The following ELP1 variants were observed in gnomAD, a reference collection of about 807,000 sequenced individuals.
The protein encoded by ELP1 is elongator acetyltransferase complex subunit 1, also known as elongator complex protein 1.
ELP1 carries 131 observed loss-of-function variants against 183.2 expected under a neutral mutation model. That is an observed-to-expected ratio of 0.72 (90% CI 0.62 to 0.83). The LOEUF (loss-of-function observed/expected upper bound fraction) is 0.83. Among genes scored for constraint, ELP1 ranks in the 40% least tolerant of loss-of-function variants. ELP1 has a pLI of 0.00. For missense variants in ELP1, 1,550 were observed against 1,594.9 expected (o/e 0.97, Z 0.48); for synonymous variants, 555 against 569.0 (o/e 0.98, Z 0.35).
intron 13 of ELP1, among the ~76,000 whole-genome samples, chr9:108,907,352 C>T (rs935010493): frequency 2.0e-5 from 3 of 152,178 alleles, no homozygotes; most frequent in African/African-American, 7.2e-5. Context: ...AATTTGTCCT[C>T]TATCTCTACT....
chr9:108,933,919 C>G lies in ELP1; in HGVS notation c.-111G>C, dbSNP rs1233793909. The G allele has an allele frequency of 6.4e-6, 1 of 157,196 alleles. No individual in the cohort carries two copies. 9.7% of individuals were successfully genotyped at this position (157,196 alleles called of 1,614,324 possible). The stretch of plus-strand genomic sequence containing the variant: ...CCTCGCCTCCCCAGCCACGCGCAGC[C>G]GGCTACCCAGAGTCAGCTCCCACAG... On this transcript the variant is annotated 5_prime_UTR_variant, in exon 1 of 37. Transcript: ENST00000374647.
At chr9:108,879,123 A>AT (rs1337773738) in intron 33 of ELP1, among the ~76,000 whole-genome samples, 1 of 152,142 alleles carries the variant, frequency 6.6e-6, no homozygotes, top group African/African-American at 2.4e-5. Context: ...TTATCTTTTC[A>AT]TTTTTTCAGT....
At chr9:108,909,774 G>A (rs1247093321) in intron 12 of ELP1, among the ~76,000 whole-genome samples, 2 of 152,040 alleles carry the variant, frequency 1.3e-5, no homozygotes, top group African/African-American at 4.8e-5. Context: ...TATTGATGCC[G>A]AACAATCTTT....
chr9:108,922,924 T>C lies in ELP1; in HGVS notation c.470A>G (p.Lys157Arg), dbSNP rs557686367. The C allele has an allele frequency of 1.1e-5, 18 of 1,612,508 alleles. No individual in the cohort carries two copies. The South Asian group carries it at 1.8e-4, about 16-fold the overall frequency. Residue 157 changes from lysine to arginine, a missense_variant, in exon 6 of 37, where the codon AAG becomes AGG. Lys to Arg is a conservative substitution (Grantham distance 26). Transcript: ENST00000374647. ...CCTACCCCATCCAACAGTGATAAACTTGCCTACAGAACAATTGGCAAGACA... is the reference window on the plus strand; with the variant it reads ...CCTACCCCATCCAACAGTGATAAACCTGCCTACAGAACAATTGGCAAGACA... ...QIHQDDFGES[K>R]FITVGWGRKE... is the part of the protein sequence containing the mutation.
chr9:108,886,610 C>G (rs915469762), intron 29 of ELP1, among the ~76,000 whole-genome samples: 1 of 152,104 alleles, frequency 6.6e-6, no homozygotes, highest in South Asian at 2.1e-4. Flanking sequence ...AATTTAACAC[C>G]CATTCATGAT....
chr9:108,903,660 T>C lies in ELP1; in HGVS notation c.1653A>G (p.Ala551=). Residue 551 remains alanine (A), a synonymous_variant, in exon 15 of 37, where the codon GCA becomes GCG. Transcript: ENST00000374647. ...EHGQLNVSSS[A]AVDGVIISLC... ...GACTGATTATGACCCCATCCACCGC[T>C]GCAGATGAACTGACAAAAAAAAGGA... 1.9e-6 allele frequency: 3 copies of C among 1,613,456 alleles called. No homozygotes were observed. Among genetic ancestry groups the C allele is most frequent in the Non-Finnish European group, 2.5e-6 (3 of 1,179,490 alleles).
At chr9:108,876,413 AG>A (rs1360307926) in intron 35 of ELP1, among the ~76,000 whole-genome samples, 62 of 152,318 alleles carry the variant, frequency 4.1e-4, no homozygotes, top group African/African-American at 1.4e-3. Flanking sequence ...CGGTTTGTAA[AG>A]TGCTTTTACA....
chr9:108,881,625 G>T, intron 31 of ELP1, 80 bp downstream of exon 31: 1 of 865,300 alleles, frequency 1.2e-6, no homozygotes, highest in East Asian at 2.4e-5. Flanking sequence ...AGAAAACACA[G>T]TAAATAGGAG....
intron 22 of ELP1, among the ~76,000 whole-genome samples, chr9:108,897,942 C>A (rs1255923751): frequency 6.6e-6 from 1 of 152,140 alleles, no homozygotes; most frequent in African/African-American, 2.4e-5. Context: ...CCAACCCATA[C>A]ACAAAGAATG....
At position 108,891,269 on chromosome 9, in the gene ELP1, G is replaced by A. The variant is rs774427341; in HGVS notation, c.3094C>T (p.Leu1032Phe). Residue 1032 changes from leucine (L) to phenylalanine (F), a missense_variant, in exon 28 of 37, where the codon CTC becomes TTC. Physicochemically the swap from Leu to Phe is conservative, Grantham distance 22. Transcript: ENST00000374647. The stretch of plus-strand genomic sequence containing the variant: ...AAGTTAAGCTGGGCTGCCACACAGA[G>A]GGCTTGCTTCCAGTTGCCACATGTC... The part of the protein sequence containing the change: ...FLTCGNWKQA[L>F]CVAAQLNFTK... The A allele has an allele frequency of 1.2e-6, 2 of 1,614,114 alleles. No homozygotes were observed. The highest frequency in any genetic ancestry group is 1.7e-6 in the Non-Finnish European group (2 of 1,180,054).
chr9:108,881,963 A>G lies in ELP1; in HGVS notation c.3285+162T>C, dbSNP rs7046977. Among the ~76,000 whole-genome samples the G allele has an allele frequency of 0.14, 21,334 of 152,238 alleles. 1,688 individuals are homozygous for G. The highest frequency in any genetic ancestry group is 0.16 in the African/African-American group (6,844 of 41,522). On this transcript the variant is annotated intron_variant, in intron 30 of 36. Coordinates refer to ENST00000374647, the MANE Select transcript of ELP1 (RefSeq NM_003640.5). ...ATTTCAAATTATTATCAAGAATGAT[A>G]AAAATGATTTTAAAAACACCGCTTT...
chr9:108,881,755 T>C lies in ELP1; in HGVS notation c.3296A>G (p.Tyr1099Cys), dbSNP rs1455391652. Reference protein sequence around the residue: ...WEEALRLVYKYNRLDIIETNV... With the variant: ...WEEALRLVYKCNRLDIIETNV... ...GGTTTCTATAATATCCAGTCTGTTA[T>C]ATTTGTATACCTAGAAGGAAAAACA... The change falls in exon 31 of 37, where the codon TAT (tyrosine) becomes TGT (cysteine). Residue 1099 changes from tyrosine (Y) to cysteine (C), a missense_variant. Coordinates refer to ENST00000374647, the MANE Select transcript of ELP1 (RefSeq NM_003640.5). 1.9e-6 allele frequency: 3 copies of C among 1,558,444 alleles called. No homozygotes were observed. The highest frequency in any genetic ancestry group is 2.7e-6 in the Non-Finnish European group (3 of 1,129,726).
In ELP1 at chr9:108,912,847, C is replaced by T. The variant is rs149610752; in HGVS notation, c.959-353G>A. Among the ~76,000 whole-genome samples the T allele has an allele frequency of 2.2e-3, 330 of 151,218 alleles. 4 individuals are homozygous for T. Among genetic ancestry groups the T allele is most frequent in the African/African-American group, 7.5e-3 (311 of 41,194 alleles). On this transcript the variant is annotated intron_variant, in intron 10 of 36. Coordinates refer to ENST00000374647, the MANE Select transcript of ELP1 (RefSeq NM_003640.5). ...TCGGCTCACTGCAAGCTCCATCTCC[C>T]GGGTTCATGCCATTCTCCTGCCTCA...
intron 1 of ELP1, among the ~76,000 whole-genome samples, chr9:108,931,468 A>C (rs1830001618): frequency 6.6e-6 from 1 of 152,242 alleles, no homozygotes; most frequent in Non-Finnish European, 1.5e-5. Context: ...TTTCTTCAAA[A>C]AAGATGTAAT....
At chr9:108,895,644 C>A (rs904559420) in intron 25 of ELP1, among the ~76,000 whole-genome samples, 1 of 152,122 alleles carries the variant, frequency 6.6e-6, no homozygotes, top group African/African-American at 2.4e-5. Flanking sequence ...ATCCTCGGAA[C>A]AATGGGAGCT....
Position 108,929,792 on chromosome 9 carries a change from G to A in ELP1, c.280C>T (p.Leu94Phe). The A allele has an allele frequency of 6.2e-7, 1 of 1,614,022 alleles. No individual in the cohort carries two copies. Among genetic ancestry groups the A allele is most frequent in the Non-Finnish European group, 8.5e-7 (1 of 1,180,016 alleles). Residue 94 changes from leucine to phenylalanine, a missense_variant, in exon 3 of 37, where the codon CTC becomes TTC. Transcript: ENST00000374647. ...CVATASGDVILCSLSTQQLEC... is the reference protein window; with the variant it reads ...CVATASGDVIFCSLSTQQLEC... The stretch of plus-strand genomic sequence containing the variant: ...ACCTGTTGTGTGCTGAGACTGCAGA[G>A]TATGACGTCTCCAGAGGCTGTGGCC...
At chr9:108,912,228 C>A in intron 11 of ELP1, 36 bp downstream of exon 11, 1 of 1,532,936 alleles carries the variant, frequency 6.5e-7, no homozygotes, top group Non-Finnish European at 9.0e-7. Flanking sequence ...CTCAGGACCC[C>A]TTGCAGGCTC....
Position 108,878,039 on chromosome 9 carries a change from G to T in ELP1, c.3811C>A (p.Pro1271Thr). Residue 1271 changes from proline (P) to threonine (T), a missense_variant, in exon 35 of 37, where the codon CCA (proline) becomes ACA (threonine). Transcript: ENST00000374647. Reference sequence around the variant, plus strand: ...TGGTAAGTAAGAGTCCAAATTTCTGGAAGTGACCTTTCCATCAACTGCAGC... The same window carrying T: ...TGGTAAGTAAGAGTCCAAATTTCTGTAAGTGACCTTTCCATCAACTGCAGC... ...DTLQLMERSLPEIWTLTYQQN... is the reference protein window; with the variant it reads ...DTLQLMERSLTEIWTLTYQQN... 6.2e-7 allele frequency: 1 copy of T among 1,614,174 alleles called. No homozygotes were observed. The highest frequency in any genetic ancestry group is 8.5e-7 in the Non-Finnish European group (1 of 1,180,026).
Position 108,880,152 on chromosome 9 carries a change from A to AT in ELP1, c.3359dup (p.Tyr1120Ter). ...CTGTCTGAGAGTCCAGAAATGCCAT[A>AT]TAATTTTTCTGGGCTGGAGATGCAG... ...KPSILEAQKN[Y>*]MAFLDSQTAT... The change falls in exon 32 of 37, where the codon TAT (tyrosine) becomes TAAT (stop). Residue 1120 changes from tyrosine (Y) to a stop codon, truncating the protein, a stop_gained and frameshift_variant. Transcript: ENST00000374647. LOFTEE classifies it high-confidence loss of function. 1 of 1,612,978 alleles carries AT rather than the reference A, an allele frequency of 6.2e-7. No homozygotes were observed. Among genetic ancestry groups the AT allele is most frequent in the Non-Finnish European group, 8.5e-7 (1 of 1,178,886 alleles).
Sources: allele counts gnomAD v4.1 joint callset (sites outside exome capture counted in the v4.1 genomes callset), GRCh38; gene constraint gnomAD v4.1.1; transcripts MANE v1.5; gene names NCBI Gene and HGNC (gene_info 2026-07-23, HGNC 2026-07-21).